Variants in ITGAE observed in about 807,000 individuals in gnomAD.
ITGAE encodes integrin alpha-E.
A neutral mutation model predicts 136.5 loss-of-function variants in ITGAE; 99 were observed. The observed-to-expected ratio is 0.73, with a 90% CI of 0.62 to 0.86. The LOEUF is 0.86. ITGAE is among the 40% of genes least tolerant of loss of function. The pLI is 0.00. For missense variants in ITGAE, 1,447 were observed against 1,515.3 expected (o/e 0.95, Z 0.75); for synonymous variants, 613 against 591.8 (o/e 1.04, Z -0.52).
chr17:3,746,872 TGA>T (rs2051730316), intron 17 of ITGAE, among the ~76,000 whole-genome samples: 1 of 152,172 alleles, frequency 6.6e-6, no homozygotes, highest in Non-Finnish European at 1.5e-5. Flanking sequence ...ATTACAGGCG[TGA>T]GCTACCACAC....
chr17:3,753,862 T>C lies in ITGAE; in HGVS notation c.1448A>G (p.Tyr483Cys), dbSNP rs747667700. The C allele has an allele frequency of 6.2e-6, 10 of 1,614,040 alleles. No homozygotes were observed. The highest frequency in any genetic ancestry group is 3.3e-5 in the Admixed American group (2 of 60,008). The change falls in exon 13 of 31, where the codon TAC (tyrosine) becomes TGC (cysteine). Residue 483 changes from tyrosine to cysteine, a missense_variant. Coordinates refer to ENST00000263087, the MANE Select transcript of ITGAE (RefSeq NM_002208.5). Reference protein sequence around the residue: ...SLSYIAGAPRYKHHGAVFELQ... With the variant: ...SLSYIAGAPRCKHHGAVFELQ... ...CTCAAACACGGCCCCATGATGTTTG[T>C]ACCGTGGAGCCCCCGCGATGTAGGA...
At chr17:3,767,339 C>T (rs1341387359) in intron 2 of ITGAE, among the ~76,000 whole-genome samples, 3 of 152,108 alleles carry the variant, frequency 2.0e-5, no homozygotes, top group African/African-American at 7.2e-5. Context: ...CTCAGGTGAT[C>T]CACTCACTTC....
chr17:3,772,257 C>T (rs371550633), intron 2 of ITGAE, among the ~76,000 whole-genome samples: 4 of 152,132 alleles, frequency 2.6e-5, no homozygotes, highest in Non-Finnish European at 4.4e-5. Context: ...AGCTGTTATT[C>T]GGTGGGGTCA....
intron 18 of ITGAE, among the ~76,000 whole-genome samples, chr17:3,744,066 A>G (rs938912531): frequency 2.7e-5 from 4 of 150,700 alleles, no homozygotes; most frequent in African/African-American, 9.8e-5. Context: ...TCTGGAGGGC[A>G]GCAGCACCAT....
At position 3,753,827 on chromosome 17, in the gene ITGAE, C is replaced by T. The variant is rs1567534309; in HGVS notation, c.1483G>A (p.Glu495Lys). ...HHGAVFELQK[E>K]GREASFLPVL... The stretch of plus-strand genomic sequence containing the variant: ...GGCAGGAAGCTGGCCTCTCTGCCCT[C>T]CTTCTGGAGCTCAAACACGGCCCCA... The change falls in exon 13 of 31, where the codon GAG becomes AAG. Residue 495 changes from glutamate (E) to lysine (K), a missense_variant. This residue lies in a region of ITGAE where 1,031 missense variants were observed against 1,011.4 expected (regional missense o/e 1.02). Transcript: ENST00000263087. The T allele has an allele frequency of 5.6e-6, 9 of 1,614,224 alleles. No individual in the cohort carries two copies. The Admixed American group carries it at 8.3e-5, about 15-fold the overall frequency.
chr17:3,785,877 A>G (rs762712706), intron 1 of ITGAE, among the ~76,000 whole-genome samples: 1 of 151,936 alleles, frequency 6.6e-6, no homozygotes. Context: ...GACATTTAAA[A>G]AATAGAGGGG....
rs367746735 is a variant in ITGAE, at chr17:3,743,103, C to T, written c.2448+386G>A. 6.1e-4 allele frequency among the ~76,000 whole-genome samples: 93 copies of T among 152,366 alleles called. No homozygotes were observed. In the South Asian group the frequency reaches 0.019, roughly 31 times the overall value. ...GGTGTGCCAAAGGGCATCCTCTCTGCAGTGCAAGACACGACAGCTCCAGTC... is the reference window on the plus strand; with the variant it reads ...GGTGTGCCAAAGGGCATCCTCTCTGTAGTGCAAGACACGACAGCTCCAGTC... On this transcript the variant is annotated intron_variant, in intron 19 of 30. Transcript: ENST00000263087.
intron 28 of ITGAE, 71 bp downstream of exon 28, chr17:3,723,217 A>G (rs1469825896): frequency 1.9e-6 from 2 of 1,030,510 alleles, no homozygotes; most frequent in Non-Finnish European, 3.1e-6. Context: ...CAAAGATGCT[A>G]TTATCTCTTC....
intron 19 of ITGAE, among the ~76,000 whole-genome samples, chr17:3,740,695 GCTAA>G (rs1282906785): frequency 1.3e-5 from 2 of 152,180 alleles, no homozygotes; most frequent in Admixed American, 1.3e-4. Context: ...GTCTCTGTAA[GCTAA>G]CTATTTCCCT....
chr17:3,759,551 G>C lies in ITGAE; in HGVS notation c.717C>G (p.Cys239Trp). Residue 239 changes from cysteine to tryptophan, a missense_variant and splice_region_variant, in exon 8 of 31, where the codon TGC (cysteine) becomes TGG (tryptophan). By Grantham distance (215) the Cys-to-Trp change is radical (BLOSUM62 -2). This residue lies in a region of ITGAE where 310 missense variants were observed against 416.1 expected (regional missense o/e 0.74). Transcript: ENST00000263087. ...CTCCATACTGCACCAAGGCAAAGTT[G>C]CACTGCAGGGGATGGGCAGGAGGGC... ...MRNFYEKCFECNFALVQYGGV... is the reference protein window; with the variant it reads ...MRNFYEKCFEWNFALVQYGGV... The C allele has an allele frequency of 1.2e-6, 2 of 1,608,624 alleles. No individual in the cohort carries two copies. Among genetic ancestry groups the C allele is most frequent in the Non-Finnish European group, 1.7e-6 (2 of 1,175,330 alleles).
rs1174281849 is a variant in ITGAE at position 3,720,403 on chromosome 17, C to A, written c.3238-1G>T. 7.2e-7 allele frequency: 1 copy of A among 1,384,268 alleles called. No homozygotes were observed. Among genetic ancestry groups the A allele is most frequent in the Non-Finnish European group, 1.0e-6 (1 of 970,856 alleles). The allele number at this position is 1,384,268 out of a possible 1,614,324, so 85.7% of individuals were successfully genotyped here. A position where few individuals can be genotyped will look rare whatever the true frequency, so the allele number is the denominator to read the frequency against. On this transcript the variant is annotated splice_acceptor_variant, in intron 28 of 30. Transcript: ENST00000263087. LOFTEE classifies it high-confidence loss of function. Reference sequence around the variant, plus strand: ...GCAGTTCAGTTACATCTTTTAGTAACTAGAAGATGGGGAAAGGAATGAGGG... The same window carrying A: ...GCAGTTCAGTTACATCTTTTAGTAAATAGAAGATGGGGAAAGGAATGAGGG...
At chr17:3,758,633 G>C (rs948674419) in intron 8 of ITGAE, among the ~76,000 whole-genome samples, 8 of 151,884 alleles carry the variant, frequency 5.3e-5, no homozygotes, top group African/African-American at 1.7e-4. Flanking sequence ...TGTATTTTGA[G>C]TAGAGACGGG....
chr17:3,774,673 G>A (rs902672870), intron 2 of ITGAE, among the ~76,000 whole-genome samples: 4 of 152,156 alleles, frequency 2.6e-5, no homozygotes, highest in African/African-American at 9.6e-5. Flanking sequence ...GCTGAGGCAG[G>A]AGAATCACTT....
chr17:3,773,057 C>T (rs1019442183), intron 2 of ITGAE, among the ~76,000 whole-genome samples: 3 of 152,230 alleles, frequency 2.0e-5, no homozygotes, highest in Non-Finnish European at 2.9e-5. Context: ...CGAGGCCCAT[C>T]ACCAGCCGCC....
chr17:3,726,072 G>T, intron 26 of ITGAE: 1 of 1,614,160 alleles, frequency 6.2e-7, no homozygotes, highest in Non-Finnish European at 8.5e-7. Flanking sequence ...CCTGTTTACC[G>T]GTGACGGTGA....
chr17:3,779,501 G>A (rs898664680), intron 1 of ITGAE, among the ~76,000 whole-genome samples: 24 of 151,896 alleles, frequency 1.6e-4, no homozygotes, highest in African/African-American at 5.5e-4. Context: ...CTAATTTTTT[G>A]TATTTTTAGT....
chr17:3,743,158 G>T (rs578013270), intron 19 of ITGAE, among the ~76,000 whole-genome samples: 1 of 152,240 alleles, frequency 6.6e-6, no homozygotes, highest in Non-Finnish European at 1.5e-5. Context: ...CCATCACAGC[G>T]TCATCAGAGC....
intron 1 of ITGAE, among the ~76,000 whole-genome samples, chr17:3,789,261 A>G (rs898808925): frequency 6.6e-6 from 1 of 152,036 alleles, no homozygotes; most frequent in Non-Finnish European, 1.5e-5. Context: ...AAAGAAACGA[A>G]AAAGAAAATT....
At chr17:3,774,325 T>C (rs750815660) in intron 2 of ITGAE, among the ~76,000 whole-genome samples, 1 of 149,834 alleles carries the variant, frequency 6.7e-6, no homozygotes, top group Admixed American at 6.6e-5. Context: ...AGTGGGAGAG[T>C]ATGCACAAGA....
Sources: allele counts gnomAD v4.1 joint callset (sites outside exome capture counted in the v4.1 genomes callset), GRCh38; gene constraint gnomAD v4.1.1; regional missense constraint gnomAD v4.1.1; transcripts MANE v1.5; gene names NCBI Gene and HGNC (gene_info 2026-07-23, HGNC 2026-07-21).